The following DAG1 variants were observed in gnomAD, a reference collection of about 807,000 sequenced individuals.
The protein encoded by DAG1 is dystroglycan 1 (dystrophin-associated glycoprotein 1).
DAG1 carries 8 observed loss-of-function variants against 46.1 expected under a neutral mutation model. The observed-to-expected ratio is 0.17, with a 90% CI of 0.10 to 0.31. DAG1 has a LOEUF of 0.31. Ranked by LOEUF, DAG1 falls within the 10% of genes least tolerant of loss-of-function variation. The pLI is 1.00. For synonymous variants in DAG1, 495 were observed against 481.8 expected (o/e 1.03, Z -0.36); for missense variants, 1,003 against 1,189.9 (o/e 0.84, Z 2.31).
chr3:49,490,395 C>T (rs1479604608), intron 1 of DAG1, among the ~76,000 whole-genome samples: 2 of 148,598 alleles, frequency 1.3e-5, no homozygotes, highest in African/African-American at 4.9e-5. Flanking sequence ...TTTAAATTTA[C>T]AGAAAAATTG....
At chr3:49,520,121 AC>A (rs1430601250) in intron 2 of DAG1, among the ~76,000 whole-genome samples, 1 of 152,018 alleles carries the variant, frequency 6.6e-6, no homozygotes, top group Non-Finnish European at 1.5e-5. Context: ...ATGATTTTTT[AC>A]CTCAGGTGGG....
At chr3:49,471,102 AT>A (rs1189474554) in intron 1 of DAG1, 4 of 152,326 alleles carry the variant, frequency 2.6e-5, no homozygotes, top group Non-Finnish European at 5.9e-5. Context: ...TTTAATCTCT[AT>A]AACTTGAAAA....
rs149768786 is a variant in DAG1 at position 49,532,692 on chromosome 3, G to A, written c.2181G>A (p.Val727=). 2 of 1,614,054 alleles carry A rather than the reference G, an allele frequency of 1.2e-6. No individual in the cohort carries two copies. The highest frequency in any genetic ancestry group is 1.7e-6 in the Non-Finnish European group (2 of 1,180,052). ...QFIPVVPPRR[V]PSEAPPTEVP... is the part of the protein sequence containing the mutation. ...TCCCTGTGGTACCACCCAGGAGAGT[G>A]CCCTCAGAGGCGCCGCCCACAGAAG... The change falls in exon 3 of 3, where the codon GTG becomes GTA. Residue 727 remains valine (V), a synonymous_variant. Coordinates refer to ENST00000308775, the MANE Select transcript of DAG1 (RefSeq NM_004393.6). This position sits in a 1 kb window ranked among gnomAD's most constrained non-coding sequence, Gnocchi z 5.4.
In DAG1 at chr3:49,532,477, G is replaced by C; in HGVS notation, c.1966G>C (p.Val656Leu). 2 of 1,614,184 alleles carry C rather than the reference G, an allele frequency of 1.2e-6. No homozygotes were observed. The highest frequency in any genetic ancestry group is 2.2e-5 in the East Asian group (1 of 44,886). The change falls in exon 3 of 3, where the codon GTG becomes CTG. Residue 656 changes from valine to leucine, a missense_variant. Physicochemically the swap from Val to Leu is conservative, Grantham distance 32. Around this residue, in one of 3 missense-constraint regions of DAG1, gnomAD observed 755 missense variants for 854.1 expected, o/e 0.88. Coordinates refer to ENST00000308775, the MANE Select transcript of DAG1 (RefSeq NM_004393.6). The surrounding 1 kb of genome is among the most constrained non-coding windows in gnomAD (Gnocchi z 5.4). ...TLQNITRGSIVVEWTNNTLPL... is the reference protein window; with the variant it reads ...TLQNITRGSILVEWTNNTLPL... Reference sequence around the variant, plus strand: ...GCAGAATATCACCCGGGGCTCCATCGTGGTGGAATGGACCAACAACACACT... The same window carrying C: ...GCAGAATATCACCCGGGGCTCCATCCTGGTGGAATGGACCAACAACACACT...
chr3:49,482,627 C>G (rs533537609), intron 1 of DAG1, among the ~76,000 whole-genome samples: 2 of 152,096 alleles, frequency 1.3e-5, no homozygotes, highest in Non-Finnish European at 2.9e-5. Context: ...TTAATTATGA[C>G]GTAGATTCTA....
At chr3:49,500,743 A>G (rs556547326) in intron 1 of DAG1, among the ~76,000 whole-genome samples, 26 of 152,242 alleles carry the variant, frequency 1.7e-4, no homozygotes. Context: ...ATCTTGCCAG[A>G]ATCTTTCTGT....
intron 2 of DAG1, among the ~76,000 whole-genome samples, chr3:49,525,931 A>G (rs1235100578): frequency 1.4e-5 from 2 of 143,376 alleles, no homozygotes; most frequent in East Asian, 2.1e-4. Flanking sequence ...GCTCACTTCA[A>G]CCTCCGCCCT....
intron 1 of DAG1, among the ~76,000 whole-genome samples, chr3:49,475,873 T>C (rs1308239969): frequency 2.0e-5 from 3 of 151,818 alleles, no homozygotes; most frequent in Non-Finnish European, 4.4e-5. Flanking sequence ...CTGGCTAATA[T>C]ATGTATATAT....
intron 2 of DAG1, among the ~76,000 whole-genome samples, chr3:49,520,487 G>T (rs908836264): frequency 1.3e-5 from 2 of 152,174 alleles, no homozygotes; most frequent in Non-Finnish European, 2.9e-5. Flanking sequence ...GCCTGACTAG[G>T]GATGAGGGAG....
At chr3:49,526,573 C>G (rs372042085) in intron 2 of DAG1, among the ~76,000 whole-genome samples, 1 of 152,012 alleles carries the variant, frequency 6.6e-6, no homozygotes, top group Non-Finnish European at 1.5e-5. Flanking sequence ...AAAAATTAGC[C>G]GGGCATAGTG....
chr3:49,489,437 GTT>G (rs1312132776), intron 1 of DAG1, among the ~76,000 whole-genome samples: 1 of 152,166 alleles, frequency 6.6e-6, no homozygotes, highest in Non-Finnish European at 1.5e-5. Flanking sequence ...GGACCAGATA[GTT>G]GATGACATCA....
chr3:49,497,803 T>C (rs1286375424), intron 1 of DAG1, among the ~76,000 whole-genome samples: 2 of 152,202 alleles, frequency 1.3e-5, no homozygotes, highest in Non-Finnish European at 2.9e-5. Flanking sequence ...TAAAATCTAC[T>C]CAGATTAAAA....
At chr3:49,503,902 C>A (rs935202506) in intron 1 of DAG1, among the ~76,000 whole-genome samples, 1 of 151,174 alleles carries the variant, frequency 6.6e-6, no homozygotes, top group Non-Finnish European at 1.5e-5. Flanking sequence ...ATTTAAAATT[C>A]AAATTCAAAT....
chr3:49,480,062 G>A (rs2049828112), intron 1 of DAG1, among the ~76,000 whole-genome samples: 2 of 141,456 alleles, frequency 1.4e-5, no homozygotes. Context: ...CGATTCTCCC[G>A]CCTCAGCATC....
chr3:49,502,698 G>T (rs2050488563), intron 1 of DAG1, among the ~76,000 whole-genome samples: 2 of 147,602 alleles, frequency 1.4e-5, no homozygotes, highest in Non-Finnish European at 3.0e-5. Flanking sequence ...GAGTGCAGTG[G>T]TGCGATCTCG....
intron 1 of DAG1, among the ~76,000 whole-genome samples, chr3:49,493,299 C>G (rs1287907025): frequency 2.0e-5 from 3 of 152,114 alleles, no homozygotes; most frequent in Admixed American, 6.6e-5. Flanking sequence ...CAACCTTAGC[C>G]TACCAAAGTG....
intron 2 of DAG1, among the ~76,000 whole-genome samples, chr3:49,515,021 G>A (rs2050861243): frequency 2.6e-5 from 4 of 152,164 alleles, no homozygotes; most frequent in South Asian, 4.2e-4. Flanking sequence ...CACCACACCC[G>A]GCTAGGGTTT....
intron 1 of DAG1, among the ~76,000 whole-genome samples, chr3:49,471,735 A>C (rs1188917738): frequency 6.6e-6 from 1 of 152,230 alleles, no homozygotes; most frequent in African/African-American, 2.4e-5. Flanking sequence ...TGCAAAATGC[A>C]TTTATTCATT....
rs544078757 is a variant in DAG1 at position 49,482,855 on chromosome 3, T to TC, written c.-117+12429dup. On this transcript the variant is annotated intron_variant, in intron 1 of 2. Transcript: ENST00000308775. ...GCCTTTTCACTGTGCTGTGAAGATTTCCCCCCCAGGCATCCTAGGGGTTGA... is the reference window on the plus strand; with the variant it reads ...GCCTTTTCACTGTGCTGTGAAGATTTCCCCCCCCAGGCATCCTAGGGGTTGA... Among the ~76,000 whole-genome samples the TC allele has an allele frequency of 1.4e-4, 21 of 152,072 alleles. No homozygotes were observed. The South Asian group carries it at 3.5e-3, about 26-fold the overall frequency.
Sources: gnomAD v4.1 joint callset for allele counts (sites outside exome capture counted in the v4.1 genomes callset) on GRCh38, gnomAD v4.1.1 for gene constraint, gnomAD v4.1.1 regional missense constraint, Gnocchi (gnomAD v3.1) non-coding constraint, MANE v1.5 for transcripts, NCBI Gene and HGNC (gene_info 2026-07-23, HGNC 2026-07-21) for gene names.